SLC4A4: variants seen among roughly 807,000 people sequenced by gnomAD.
SLC4A4 encodes the protein electrogenic sodium bicarbonate cotransporter 1.
SLC4A4 carries 27 observed loss-of-function variants against 111.5 expected under a neutral mutation model. The ratio of observed to expected loss-of-function variants is 0.24; its 90% CI spans 0.18 to 0.33. The LOEUF (loss-of-function observed/expected upper bound fraction) is 0.33. SLC4A4 is among the 10% of genes least tolerant of loss of function. SLC4A4 has a pLI of 1.00. For synonymous variants in SLC4A4, 443 were observed against 463.4 expected, an observed-to-expected ratio of 0.96 and a Z score of 0.57; for missense variants, 909 against 1,315.5, an observed-to-expected ratio of 0.69 and a Z score of 4.78.
intron 1 of SLC4A4, among the ~76,000 whole-genome samples, chr4:71,079,775 C>CA (rs34285798): frequency 0.13 from 18,681 of 142,386 alleles, 2,036 homozygotes; most frequent in African/African-American, 0.3. Flanking sequence ...AACTCTGTCT[C>CA]AAAAAAAAAA....
At position 71,196,636 on chromosome 4, in the gene SLC4A4, A is replaced by G. The variant is rs187720608; in HGVS notation, c.-2+9235A>G. On this transcript the variant is annotated intron_variant, in intron 1 of 25. Coordinates refer to ENST00000264485, the MANE Select transcript of SLC4A4 (RefSeq NM_001098484.3). ...CTTTCCCATGGTCCTCACGGTGGCC[A>G]GAAAATGCTTATTTAATGGAGGGAT... 4.3e-3 allele frequency among the ~76,000 whole-genome samples: 646 copies of G among 151,850 alleles called. 5 individuals carry two copies. Among genetic ancestry groups the G allele is most frequent in the African/African-American group, 0.015 (624 of 41,448 alleles).
At chr4:71,468,009 G>A (rs1727538493) in intron 13 of SLC4A4, among the ~76,000 whole-genome samples, 1 of 152,010 alleles carries the variant, frequency 6.6e-6, no homozygotes, top group Admixed American at 6.6e-5. Flanking sequence ...ATCAAAAATA[G>A]TCATAAGATG....
At chr4:71,067,123 T>A (rs1465386525) in intron 1 of SLC4A4, among the ~76,000 whole-genome samples, 3 of 69,796 alleles carry the variant, frequency 4.3e-5, no homozygotes, top group African/African-American at 6.5e-5. Flanking sequence ...CTCTCACACA[T>A]GCAGAGAAAA....
intron 15 of SLC4A4, among the ~76,000 whole-genome samples, chr4:71,492,535 C>T (rs1448754849): frequency 6.6e-6 from 1 of 151,950 alleles, no homozygotes; most frequent in Non-Finnish European, 1.5e-5. Context: ...TTTACCTAAA[C>T]AATCTGCTTC....
chr4:71,537,796 C>T (rs1022932234), intron 18 of SLC4A4, among the ~76,000 whole-genome samples: 1 of 152,016 alleles, frequency 6.6e-6, no homozygotes, highest in Non-Finnish European at 1.5e-5. Flanking sequence ...CCCTCTCCCA[C>T]AGAGCCCGAG....
chr4:71,467,813 T>C (rs1430811225), intron 13 of SLC4A4, among the ~76,000 whole-genome samples: 1 of 152,126 alleles, frequency 6.6e-6, no homozygotes, highest in African/African-American at 2.4e-5. Context: ...GAGAATTGCC[T>C]TTACTGGCAG....
At chr4:71,301,622 C>G (rs76178334) in intron 3 of SLC4A4, among the ~76,000 whole-genome samples, 5,013 of 152,338 alleles carry the variant, frequency 0.033, 329 homozygotes, top group Admixed American at 0.16. Flanking sequence ...CGGGCTCTTG[C>G]ATAGTGACTG....
At chr4:71,460,234 A>G (rs1726692847) in intron 12 of SLC4A4, among the ~76,000 whole-genome samples, 1 of 152,044 alleles carries the variant, frequency 6.6e-6, no homozygotes, top group African/African-American at 2.4e-5. Flanking sequence ...TCCCTACCCC[A>G]AGATAAAGGA....
intron 3 of SLC4A4, among the ~76,000 whole-genome samples, chr4:71,279,883 C>T (rs1451908411): frequency 2.6e-5 from 4 of 152,192 alleles, no homozygotes; most frequent in Non-Finnish European, 5.9e-5. Context: ...GCAACCTCTG[C>T]TTCCCGGGTT....
At chr4:71,108,458 A>G (rs967139673) in intron 2 of SLC4A4, among the ~76,000 whole-genome samples, 1 of 152,218 alleles carries the variant, frequency 6.6e-6, no homozygotes, top group Non-Finnish European at 1.5e-5. Context: ...AACAAAATAT[A>G]TTAGCCCACT....
intron 3 of SLC4A4, among the ~76,000 whole-genome samples, chr4:71,275,426 A>C (rs1383297126): frequency 6.6e-6 from 1 of 152,164 alleles, no homozygotes; most frequent in Non-Finnish European, 1.5e-5. Context: ...TTTTCCTTTC[A>C]TTTGAGACTT....
intron 6 of SLC4A4, among the ~76,000 whole-genome samples, chr4:71,391,389 AAT>A (rs1719244222): frequency 6.6e-6 from 1 of 152,088 alleles, no homozygotes; most frequent in Admixed American, 6.6e-5. Context: ...GTATTACATT[AAT>A]ATGTACACAT....
At chr4:71,385,189 A>ATTTTT (rs1194914064) in intron 6 of SLC4A4, among the ~76,000 whole-genome samples, 20 of 14,978 alleles carry the variant, frequency 1.3e-3, no homozygotes, top group East Asian at 2.5e-3. Flanking sequence ...ATATATATAT[A>ATTTTT]TATTTTTTTT....
chr4:71,391,626 G>A (rs1408146876), intron 6 of SLC4A4, among the ~76,000 whole-genome samples: 1 of 152,046 alleles, frequency 6.6e-6, no homozygotes, highest in Non-Finnish European at 1.5e-5. Context: ...GCTTGAAAAT[G>A]TGATTCTCCA....
intron 2 of SLC4A4, among the ~76,000 whole-genome samples, chr4:71,156,577 C>CGT (rs1744474412): frequency 1.0e-5 from 1 of 99,010 alleles, no homozygotes; most frequent in African/African-American, 4.7e-5. Flanking sequence ...CGCGCATGCG[C>CGT]GCGCGCGCGC....
chr4:71,402,309 C>T (rs1720441901), intron 7 of SLC4A4, among the ~76,000 whole-genome samples: 1 of 152,118 alleles, frequency 6.6e-6, no homozygotes, highest in African/African-American at 2.4e-5. Context: ...GTGAGTCAAC[C>T]AAGTCCACTG....
chr4:71,502,557 C>A (rs1348322008), intron 16 of SLC4A4, among the ~76,000 whole-genome samples: 9 of 152,128 alleles, frequency 5.9e-5, no homozygotes. Context: ...TTATTAATTT[C>A]ATTTTTAATT....
At chr4:71,185,102 T>C (rs1424280631), upstream of SLC4A4, among the ~76,000 whole-genome samples, 1 of 152,208 alleles carries the variant, frequency 6.6e-6, no homozygotes, top group African/African-American at 2.4e-5. Context: ...AGTTACCTAT[T>C]TAACTTACGT....
rs940790963 is a variant in SLC4A4, at chr4:71,432,576, T to C, written c.808-8040T>C. 2.6e-5 allele frequency among the ~76,000 whole-genome samples: 4 copies of C among 152,160 alleles called. 1 individual carries two copies. The highest frequency in any genetic ancestry group is 2.0e-4 in the Admixed American group (3 of 15,262). On this transcript the variant is annotated intron_variant, in intron 7 of 25. Coordinates refer to ENST00000264485, the MANE Select transcript of SLC4A4 (RefSeq NM_001098484.3). ...ATGGGAGAAACTTTGGAAAATTCCCTACTGCTTAGAAGTGATTTTGTTTGT... is the reference window on the plus strand; with the variant it reads ...ATGGGAGAAACTTTGGAAAATTCCCCACTGCTTAGAAGTGATTTTGTTTGT...
Sources: allele counts gnomAD v4.1 joint callset (sites outside exome capture counted in the v4.1 genomes callset), GRCh38; gene constraint gnomAD v4.1.1; transcripts MANE v1.5; gene names NCBI Gene and HGNC (gene_info 2026-07-23, HGNC 2026-07-21).